FGF1: variants seen among roughly 807,000 people sequenced by gnomAD.
FGF1 encodes fibroblast growth factor 1, also known as beta-endothelial cell growth factor.
Under a neutral mutation model 13.4 loss-of-function variants are expected in FGF1, and 9 were observed. The ratio of observed to expected loss-of-function variants is 0.67; its 90% CI spans 0.40 to 1.17. FGF1 has a LOEUF of 1.17. FGF1 is among the 50% of genes most tolerant of loss of function. The probability of loss-of-function intolerance (pLI) is 0.01; values close to 1 mark genes in which losing one functional copy is unlikely to be tolerated. For synonymous variants in FGF1, 93 were observed against 79.0 expected, an observed-to-expected ratio of 1.18 and a Z score of -0.94; for missense variants, 156 against 192.7, an observed-to-expected ratio of 0.81 and a Z score of 1.13.
At chr5:142,638,486 A>G (rs989425528) in intron 1 of FGF1, among the ~76,000 whole-genome samples, 17 of 152,028 alleles carry the variant, frequency 1.1e-4, no homozygotes, top group Non-Finnish European at 2.2e-4. Context: ...GGCACATAAT[A>G]TGTGCTTAAT....
chr5:142,631,071 G>A (rs1597223113), intron 1 of FGF1, among the ~76,000 whole-genome samples: 1 of 152,152 alleles, frequency 6.6e-6, no homozygotes, highest in African/African-American at 2.4e-5. Flanking sequence ...GAGGGAGGGA[G>A]GGAACAAATG....
intron 1 of FGF1, among the ~76,000 whole-genome samples, chr5:142,662,872 G>A (rs950586554): frequency 6.6e-6 from 1 of 151,982 alleles, no homozygotes; most frequent in Non-Finnish European, 1.5e-5. Context: ...TCACCAGGCT[G>A]GAGTGCAGTG....
At chr5:142,678,080 C>T (rs889475606) in intron 1 of FGF1, among the ~76,000 whole-genome samples, 1 of 152,102 alleles carries the variant, frequency 6.6e-6, no homozygotes, top group Non-Finnish European at 1.5e-5. Flanking sequence ...GGGCCTAGAA[C>T]AGCAGAGGAG....
intron 1 of FGF1, among the ~76,000 whole-genome samples, chr5:142,635,097 A>G (rs1282700476): frequency 2.0e-5 from 3 of 152,104 alleles, no homozygotes; most frequent in Non-Finnish European, 1.5e-5. Flanking sequence ...CTTACACTAT[A>G]ATGGTTGATA....
intron 1 of FGF1, among the ~76,000 whole-genome samples, chr5:142,637,738 A>G (rs1764521384): frequency 6.6e-6 from 1 of 152,004 alleles, no homozygotes; most frequent in Non-Finnish European, 1.5e-5. Context: ...CCTTGGACTC[A>G]CCAGATGACT....
chr5:142,604,338 T>C (rs1757199009), intron 2 of FGF1, among the ~76,000 whole-genome samples: 2 of 152,204 alleles, frequency 1.3e-5, no homozygotes, highest in South Asian at 4.1e-4. Flanking sequence ...ACATATACTT[T>C]TGTGTCAATT....
intron 1 of FGF1, among the ~76,000 whole-genome samples, chr5:142,666,276 TAATACACACACACA>T (rs1561709824): frequency 2.1e-4 from 17 of 81,688 alleles, no homozygotes; most frequent in East Asian, 6.7e-4. Context: ...AAGGAGCATG[TAATACACACACACA>T]CACACACACA....
At chr5:142,690,073 G>A (rs918206441), upstream of FGF1, among the ~76,000 whole-genome samples, 1 of 150,610 alleles carries the variant, frequency 6.6e-6, no homozygotes, top group Non-Finnish European at 1.5e-5. Context: ...TGTAATCCCA[G>A]CACTTTGGGA....
rs770501980 is a variant in FGF1 at position 142,595,436 on chromosome 5, G to A, written c.322C>T (p.His108Tyr). 1 of 1,613,826 alleles carries A rather than the reference G, an allele frequency of 6.2e-7. No homozygotes were observed. Among genetic ancestry groups the A allele is most frequent in the African/African-American group, 1.3e-5 (1 of 74,900 alleles). The change falls in exon 4 of 4, where the codon CAT becomes TAT. Residue 108 changes from histidine (H) to tyrosine (Y), a missense_variant. By Grantham distance (83) the His-to-Tyr change is moderately conservative (BLOSUM62 2). Transcript: ENST00000337706. The part of the protein sequence containing the change: ...CLFLERLEEN[H>Y]YNTYISKKHA... ...TTCTTGGATATATAGGTGTTGTAAT[G>A]GTTCTCCTCCAGCCTTTCCAGGAAC...
At chr5:142,608,554 AT>A (rs1758263045) in intron 2 of FGF1, among the ~76,000 whole-genome samples, 5 of 76,842 alleles carry the variant, frequency 6.5e-5, no homozygotes, top group African/African-American at 3.9e-4. Flanking sequence ...ATATATATAT[AT>A]ATATATATAT....
At chr5:142,605,454 C>G (rs1757460375) in intron 2 of FGF1, among the ~76,000 whole-genome samples, 1 of 152,090 alleles carries the variant, frequency 6.6e-6, no homozygotes, top group Non-Finnish European at 1.5e-5. Context: ...CTTTTCATTT[C>G]CTATGCATTT....
At chr5:142,615,874 T>C (rs1760123192) in intron 1 of FGF1, among the ~76,000 whole-genome samples, 1 of 152,226 alleles carries the variant, frequency 6.6e-6, no homozygotes, top group Non-Finnish European at 1.5e-5. Flanking sequence ...GTGGGGTTTT[T>C]ACCCATTGCC....
chr5:142,649,735 T>C (rs1373859546), intron 1 of FGF1, among the ~76,000 whole-genome samples: 1 of 152,180 alleles, frequency 6.6e-6, no homozygotes, highest in East Asian at 1.9e-4. Flanking sequence ...TTTTCACTAT[T>C]ACCAAAACTG....
intron 1 of FGF1, among the ~76,000 whole-genome samples, chr5:142,638,704 C>T (rs1433281425): frequency 2.0e-5 from 3 of 151,962 alleles, no homozygotes; most frequent in African/African-American, 4.8e-5. Context: ...CAAACTAAAA[C>T]GTTTCTGGGC....
intron 1 of FGF1, among the ~76,000 whole-genome samples, chr5:142,657,179 A>G (rs1387222222): frequency 1.3e-5 from 2 of 152,132 alleles, no homozygotes; most frequent in African/African-American, 4.8e-5. Context: ...AGCCTCCCAA[A>G]GTGTTGGGAT....
intron 2 of FGF1, among the ~76,000 whole-genome samples, chr5:142,612,664 A>G (rs17099100): frequency 0.094 from 14,351 of 151,932 alleles, 1,108 homozygotes; most frequent in African/African-American, 0.21. Context: ...TGAGTATAAG[A>G]CATTCAGCAA....
chr5:142,688,531 C>T (rs1287201240), upstream of FGF1, among the ~76,000 whole-genome samples: 3 of 152,244 alleles, frequency 2.0e-5, no homozygotes, highest in Non-Finnish European at 4.4e-5. Context: ...GCTTATTAAG[C>T]ATCCACAATA....
At chr5:142,671,809 C>T (rs1771515669) in intron 1 of FGF1, 1 of 152,184 alleles carries the variant, frequency 6.6e-6, no homozygotes, top group Admixed American at 6.5e-5. Context: ...GCTCGGGAGA[C>T]CTTTACCTGT....
At chr5:142,631,177 T>G (rs1763316094) in intron 1 of FGF1, among the ~76,000 whole-genome samples, 1 of 152,236 alleles carries the variant, frequency 6.6e-6, no homozygotes, top group African/African-American at 2.4e-5. Flanking sequence ...TGTGATGAAC[T>G]TTGCTCTTCT....
Sources: gnomAD v4.1 joint callset for allele counts (sites outside exome capture counted in the v4.1 genomes callset) on GRCh38, gnomAD v4.1.1 for gene constraint, MANE v1.5 for transcripts, NCBI Gene and HGNC (gene_info 2026-07-23, HGNC 2026-07-21) for gene names.